The following FHIT variants were observed in gnomAD, a reference collection of about 807,000 sequenced individuals.
FHIT encodes bis(5'-adenosyl)-triphosphatase.
Under a neutral mutation model 17.9 loss-of-function variants are expected in FHIT, and 19 were observed. That is an observed-to-expected ratio of 1.06 (90% CI 0.74 to 1.56). FHIT has a LOEUF of 1.56. Among genes scored for constraint, FHIT ranks in the 40% most tolerant of loss-of-function variants. FHIT has a pLI of 0.00. For synonymous variants in FHIT, 81 were observed against 69.7 expected (o/e 1.16, Z -0.81); for missense variants, 248 against 189.2 (o/e 1.31, Z -1.82).
At chr3:61,048,362 C>T (rs538520435) in intron 2 of FHIT, among the ~76,000 whole-genome samples, 1 of 152,140 alleles carries the variant, frequency 6.6e-6, no homozygotes, top group African/African-American at 2.4e-5. Flanking sequence ...ATGCAGCCAA[C>T]AGACACATGA....
intron 4 of FHIT, among the ~76,000 whole-genome samples, chr3:60,656,932 G>C (rs1211705772): frequency 6.6e-6 from 1 of 151,386 alleles, no homozygotes. Flanking sequence ...GTGCTATATG[G>C]TATGTGCTCA....
intron 4 of FHIT, among the ~76,000 whole-genome samples, chr3:60,736,387 A>T (rs1402870197): frequency 6.6e-6 from 1 of 152,064 alleles, no homozygotes; most frequent in Non-Finnish European, 1.5e-5. Context: ...GGGAAAAAAA[A>T]CCTTAAATTT....
intron 2 of FHIT, among the ~76,000 whole-genome samples, chr3:61,085,627 G>C (rs1327698542): frequency 6.6e-6 from 1 of 151,946 alleles, no homozygotes; most frequent in Admixed American, 6.6e-5. Context: ...ATGTTATGAA[G>C]TTCAATTTAT....
At position 61,142,081 on chromosome 3, in the gene FHIT, C is replaced by G. The variant is rs770748451; in HGVS notation, c.-164+58536G>C. 6.6e-5 allele frequency among the ~76,000 whole-genome samples: 10 copies of G among 151,138 alleles called. 1 individual carries two copies. Among genetic ancestry groups the G allele is most frequent in the Non-Finnish European group, 1.2e-4 (8 of 67,542 alleles). ...CTTCACTTGCTTTTTACAGAAATGG[C>G]TCATGGAGATATTATCTTAAAATGC... On this transcript the variant is annotated intron_variant, in intron 2 of 9. Coordinates refer to ENST00000492590, the MANE Select transcript of FHIT (RefSeq NM_002012.4).
At chr3:60,965,086 G>A (rs1292102000) in intron 3 of FHIT, among the ~76,000 whole-genome samples, 1 of 152,082 alleles carries the variant, frequency 6.6e-6, no homozygotes, top group Non-Finnish European at 1.5e-5. Context: ...CGTAGATTTG[G>A]TCTTTTCACA....
intron 8 of FHIT, among the ~76,000 whole-genome samples, chr3:59,790,490 TTCTCTCTCTCTCTCTTTCTC>T (rs1332970976): frequency 6.8e-6 from 1 of 147,950 alleles, no homozygotes; most frequent in Non-Finnish European, 1.5e-5. Context: ...TGTTCATTGC[TTCTCTCTCTCTCTCTTTCTC>T]TCTCTCTCTC....
intron 4 of FHIT, among the ~76,000 whole-genome samples, chr3:60,571,271 G>A (rs1376075593): frequency 1.4e-5 from 2 of 145,810 alleles, no homozygotes; most frequent in African/African-American, 5.0e-5. Context: ...GGTAAGCAGA[G>A]GTGGCAGTGA....
intron 4 of FHIT, among the ~76,000 whole-genome samples, chr3:60,642,539 T>G (rs1002884559): frequency 6.6e-6 from 1 of 152,230 alleles, no homozygotes; most frequent in East Asian, 1.9e-4. Context: ...TTCTCAAGTT[T>G]GTAAAACAAA....
At chr3:59,759,798 T>C (rs77380012) in intron 8 of FHIT, among the ~76,000 whole-genome samples, 10,844 of 152,198 alleles carry the variant, frequency 0.071, 990 homozygotes, top group African/African-American at 0.21. Context: ...CGCTGGACTT[T>C]CTTGGTGGCC....
chr3:60,536,725 C>T (rs748829218), intron 5 of FHIT, 135 bp downstream of exon 5: 29 of 904,782 alleles, frequency 3.2e-5, no homozygotes, highest in Admixed American at 3.0e-4. Flanking sequence ...CTGGTGTCTC[C>T]GAAGTGGGAG....
chr3:60,619,598 TGCAAAA>T (rs1170714442), intron 4 of FHIT, among the ~76,000 whole-genome samples: 2 of 45,736 alleles, frequency 4.4e-5, no homozygotes, highest in African/African-American at 2.4e-4. Context: ...GATACCCACA[TGCAAAA>T]AAAAAAAAAA....
rs113104387 is a variant in FHIT at position 60,290,938 on chromosome 3, C to G, written c.103+245922G>C. 1.2e-3 allele frequency among the ~76,000 whole-genome samples: 182 copies of G among 152,204 alleles called. 2 individuals are homozygous for G. Among genetic ancestry groups the G allele is most frequent in the African/African-American group, 4.1e-3 (172 of 41,540 alleles). On this transcript the variant is annotated intron_variant, in intron 5 of 9. Coordinates refer to ENST00000492590, the MANE Select transcript of FHIT (RefSeq NM_002012.4). ...CTCATGGGGGCTGGAGGAGTGAAGT[C>G]CAAAGGCTGGACTGAGAAAATCACT...
intron 8 of FHIT, among the ~76,000 whole-genome samples, chr3:59,770,193 C>CT (rs1027091523): frequency 3.9e-5 from 6 of 152,162 alleles, no homozygotes; most frequent in Admixed American, 2.0e-4. Context: ...GCAAAAAGCT[C>CT]TTTTTTGTGG....
chr3:60,339,623 T>C (rs1213047482), intron 5 of FHIT, among the ~76,000 whole-genome samples: 1 of 152,144 alleles, frequency 6.6e-6, no homozygotes, highest in South Asian at 2.1e-4. Flanking sequence ...GAAAGAAGAA[T>C]CCCATCTGCC....
At chr3:60,384,318 C>T (rs1241403849) in intron 5 of FHIT, among the ~76,000 whole-genome samples, 1 of 151,304 alleles carries the variant, frequency 6.6e-6, no homozygotes, top group Admixed American at 6.6e-5. Context: ...TATTACTAAT[C>T]TAATAATAAC....
intron 7 of FHIT, among the ~76,000 whole-genome samples, chr3:59,957,556 G>A (rs1159054259): frequency 6.6e-6 from 1 of 152,228 alleles, no homozygotes; most frequent in Admixed American, 6.5e-5. Flanking sequence ...TCAGCACAAG[G>A]TAAGTATGCA....
intron 5 of FHIT, among the ~76,000 whole-genome samples, chr3:60,106,102 T>C (rs886977507): frequency 6.6e-6 from 1 of 152,248 alleles, no homozygotes; most frequent in African/African-American, 2.4e-5. Context: ...ATATTCTGGC[T>C]GTATATGCCA....
At chr3:59,985,084 T>TC (rs1708833630) in intron 7 of FHIT, among the ~76,000 whole-genome samples, 1 of 152,162 alleles carries the variant, frequency 6.6e-6, no homozygotes, top group African/African-American at 2.4e-5. Context: ...GGACATCTTC[T>TC]CTGTGGTGGC....
chr3:60,537,433 T>G, intron 4 of FHIT: 2 of 974,508 alleles, frequency 2.1e-6, no homozygotes, highest in Non-Finnish European at 2.4e-6. Flanking sequence ...AATAGCAATT[T>G]AGAACAAGTA....
Sources: gnomAD v4.1 joint callset for allele counts (sites outside exome capture counted in the v4.1 genomes callset) on GRCh38, gnomAD v4.1.1 for gene constraint, MANE v1.5 for transcripts, NCBI Gene and HGNC (gene_info 2026-07-23, HGNC 2026-07-21) for gene names.